Variants in PRKD1 observed in about 807,000 individuals in gnomAD.
The protein encoded by PRKD1 is serine/threonine-protein kinase D1.
In PRKD1, 63 loss-of-function variants were observed where a neutral mutation model predicts 95.9. The ratio of observed to expected loss-of-function variants is 0.66; its 90% CI spans 0.54 to 0.81. The LOEUF (loss-of-function observed/expected upper bound fraction) is 0.81. Ranked by LOEUF, PRKD1 falls within the 30% of genes least tolerant of loss-of-function variation. PRKD1 has a pLI of 0.00. For synonymous variants in PRKD1, 425 were observed against 423.1 expected (o/e 1.00, Z -0.05); for missense variants, 1,048 against 1,165.3 (o/e 0.90, Z 1.47).
At chr14:29,758,026 G>A (rs1035946922) in intron 1 of PRKD1, among the ~76,000 whole-genome samples, 7 of 152,112 alleles carry the variant, frequency 4.6e-5, no homozygotes, top group Admixed American at 2.6e-4. Context: ...ACGGTTCTAA[G>A]GACCTATGAA....
At chr14:29,756,728 C>A (rs1268372293) in intron 1 of PRKD1, among the ~76,000 whole-genome samples, 1 of 152,176 alleles carries the variant, frequency 6.6e-6, no homozygotes, top group Non-Finnish European at 1.5e-5. Context: ...AGTTCAAGGT[C>A]CTACAGACAG....
chr14:29,808,531 C>G (rs1316340845), intron 1 of PRKD1, among the ~76,000 whole-genome samples: 2 of 151,336 alleles, frequency 1.3e-5, no homozygotes, highest in Admixed American at 1.3e-4. Context: ...TCCCAAGTAG[C>G]TGGGATTACA....
chr14:29,671,745 A>G (rs1346311525), intron 2 of PRKD1, among the ~76,000 whole-genome samples: 1 of 152,336 alleles, frequency 6.6e-6, no homozygotes, highest in African/African-American at 2.4e-5. Context: ...CTTTAAGAAA[A>G]CATCTATCTC....
chr14:29,885,949 A>T (rs1893691646), intron 1 of PRKD1, among the ~76,000 whole-genome samples: 1 of 152,082 alleles, frequency 6.6e-6, no homozygotes, highest in Admixed American at 6.6e-5. Context: ...CCTGGGTGAC[A>T]GCAAGACTCG....
At chr14:29,771,579 G>A (rs912310588) in intron 1 of PRKD1, among the ~76,000 whole-genome samples, 2 of 152,006 alleles carry the variant, frequency 1.3e-5, no homozygotes, top group African/African-American at 2.4e-5. Flanking sequence ...AGGCTTCCTC[G>A]GACAGCATTG....
At chr14:29,909,495 A>T (rs1245619846) in intron 1 of PRKD1, among the ~76,000 whole-genome samples, 1 of 152,190 alleles carries the variant, frequency 6.6e-6, no homozygotes, top group Non-Finnish European at 1.5e-5. Context: ...AGGGACTCGG[A>T]GAACCTTTAT....
chr14:29,792,174 G>A (rs576396359), intron 1 of PRKD1, among the ~76,000 whole-genome samples: 198 of 152,098 alleles, frequency 1.3e-3, no homozygotes, highest in African/African-American at 4.6e-3. Context: ...ACACAAAATC[G>A]TGTTCTAATA....
intron 16 of PRKD1, among the ~76,000 whole-genome samples, chr14:29,595,433 C>A (rs1429698173): frequency 6.6e-6 from 1 of 152,146 alleles, no homozygotes; most frequent in Non-Finnish European, 1.5e-5. Context: ...TCCAACATCA[C>A]ATAACTCGTC....
intron 2 of PRKD1, among the ~76,000 whole-genome samples, chr14:29,667,309 C>A (rs2139222561): frequency 6.6e-6 from 1 of 152,312 alleles, no homozygotes; most frequent in Non-Finnish European, 1.5e-5. Context: ...AAAATTTAAA[C>A]TTCCATTAAT....
intron 1 of PRKD1, among the ~76,000 whole-genome samples, chr14:29,756,753 G>A (rs1021933080): frequency 1.3e-5 from 2 of 152,210 alleles, no homozygotes; most frequent in Admixed American, 1.3e-4. Context: ...ATGGGAGCCT[G>A]CATGGTTGCA....
intron 1 of PRKD1, among the ~76,000 whole-genome samples, chr14:29,826,499 T>A (rs1450997260): frequency 2.4e-5 from 3 of 125,942 alleles, no homozygotes; most frequent in African/African-American, 9.1e-5. Context: ...TATGTATACA[T>A]ATATATGATG....
intron 1 of PRKD1, among the ~76,000 whole-genome samples, chr14:29,794,233 A>G (rs907876094): frequency 6.6e-6 from 1 of 151,978 alleles, no homozygotes; most frequent in East Asian, 1.9e-4. Flanking sequence ...ACATTAGAGT[A>G]TTTAGCAGAA....
intron 6 of PRKD1, chr14:29,638,286 A>G: frequency 1.7e-6 from 1 of 579,156 alleles, no homozygotes; most frequent in East Asian, 2.8e-5. Context: ...CCATGTAAAG[A>G]TCATGAAAGG....
rs191485015 is a variant in PRKD1 at position 29,841,446 on chromosome 14, G to T, written c.264+85803C>A. ...CATGCTGTGGGAAGAACCCATTGGG[G>T]GGTTACTGAATCATGAGGGTGGGTC... On this transcript the variant is annotated intron_variant, in intron 1 of 17. Coordinates refer to ENST00000331968, the MANE Select transcript of PRKD1 (RefSeq NM_002742.3). Among the ~76,000 whole-genome samples the T allele has an allele frequency of 1.3e-3, 200 of 152,266 alleles. 1 individual carries two copies. The highest frequency in any genetic ancestry group is 2.5e-3 in the Non-Finnish European group (167 of 68,016).
chr14:29,900,025 C>T (rs542926561), intron 1 of PRKD1, among the ~76,000 whole-genome samples: 1 of 152,344 alleles, frequency 6.6e-6, no homozygotes, highest in South Asian at 2.1e-4. Context: ...GCTTCTCCTT[C>T]ACCTTCCAGT....
intron 1 of PRKD1, chr14:29,751,027 C>G (rs902058952): frequency 6.6e-6 from 1 of 152,116 alleles, no homozygotes; most frequent in Non-Finnish European, 1.5e-5. Context: ...CATCTGTTGT[C>G]CACTGAATGT....
intron 16 of PRKD1, among the ~76,000 whole-genome samples, chr14:29,586,983 TATAAG>T (rs1317592478): frequency 1.3e-5 from 2 of 152,150 alleles, no homozygotes; most frequent in African/African-American, 4.8e-5. Context: ...GAGGGTTGAC[TATAAG>T]ATAACGTAGA....
rs373058469 is a variant in PRKD1 at position 29,805,169 on chromosome 14, T to C, written c.265-79495A>G. On this transcript the variant is annotated intron_variant, in intron 1 of 17. Coordinates refer to ENST00000331968, the MANE Select transcript of PRKD1 (RefSeq NM_002742.3). ...CTGCATTTCTACAACCTCCTGGGTA[T>C]TGACCATGCTGCTATTAATAGTAAG... is the stretch of plus-strand genomic sequence containing the variant. Among the ~76,000 whole-genome samples the C allele has an allele frequency of 1.2e-4, 19 of 152,342 alleles. No individual in the cohort carries two copies. The East Asian group carries it at 3.7e-3, about 29-fold the overall frequency.
rs1177162208 is a variant in PRKD1 at position 29,927,691 on chromosome 14, G to A, written c.-179C>T. ...CAAGGGGATGAGGATCGGGAGGGGA[G>A]GGGACTAAGGGGAGGAGATGGGGAG... is the stretch of plus-strand genomic sequence containing the variant. On this transcript the variant is annotated 5_prime_UTR_variant, in exon 1 of 18. Transcript: ENST00000331968. 2 of 242,366 alleles carry A rather than the reference G, an allele frequency of 8.3e-6. No homozygotes were observed. Among genetic ancestry groups the A allele is most frequent in the African/African-American group, 2.3e-5 (1 of 43,316 alleles). 15.0% of individuals were successfully genotyped at this position (242,366 alleles called of 1,614,324 possible).
Sources: gnomAD v4.1 joint callset for allele counts (sites outside exome capture counted in the v4.1 genomes callset) on GRCh38, gnomAD v4.1.1 for gene constraint, MANE v1.5 for transcripts, NCBI Gene and HGNC (gene_info 2026-07-23, HGNC 2026-07-21) for gene names.